EI24: variants seen among roughly 807,000 people sequenced by gnomAD.
EI24 encodes the protein etoposide-induced protein 2.4 homolog.
A neutral mutation model predicts 48.6 loss-of-function variants in EI24; 21 were observed. The ratio of observed to expected loss-of-function variants is 0.43; its 90% CI spans 0.31 to 0.62. EI24 has a LOEUF of 0.62. Ranked by LOEUF, EI24 falls within the 20% of genes least tolerant of loss-of-function variation. The pLI is 0.10. For missense variants in EI24, 280 were observed against 410.5 expected, an observed-to-expected ratio of 0.68 and a Z score of 2.75; for synonymous variants, 114 against 145.5, an observed-to-expected ratio of 0.78 and a Z score of 1.56.
At chr11:125,574,828 T>A (rs75423988) in intron 2 of EI24, 10,417 of 152,538 alleles carry the variant, frequency 0.068, 400 homozygotes, top group African/African-American at 0.1. Context: ...AAAACTTTTT[T>A]AAAAAAAAAC....
At chr11:125,575,209 A>G in intron 2 of EI24, 54 bp from the exon 3 acceptor site, 1 of 1,462,050 alleles carries the variant, frequency 6.8e-7, no homozygotes, top group Non-Finnish European at 9.2e-7. Flanking sequence ...CTTGGGTGAC[A>G]AAGCAAGACC....
chr11:125,576,564 C>T (rs1219653138), intron 4 of EI24, among the ~76,000 whole-genome samples: 1 of 152,184 alleles, frequency 6.6e-6, no homozygotes, highest in African/African-American at 2.4e-5. Context: ...GACTCATTCA[C>T]AAGTATTAGA....
rs763857343 is a variant in EI24 at position 125,576,235 on chromosome 11, A to T, written c.189-20A>T. On this transcript the variant is annotated intron_variant, in intron 3 of 10. Coordinates refer to ENST00000278903, the MANE Select transcript of EI24 (RefSeq NM_004879.5). ...AAATAACTTATGCTTTATAAACTAAATACATGTGATCTTTTCCAGTGAGCC... is the reference window on the plus strand; with the variant it reads ...AAATAACTTATGCTTTATAAACTAATTACATGTGATCTTTTCCAGTGAGCC... 14 of 1,610,842 alleles carry T rather than the reference A, an allele frequency of 8.7e-6. No individual in the cohort carries two copies. The highest frequency in any genetic ancestry group is 1.1e-5 in the Non-Finnish European group (13 of 1,177,676).
At chr11:125,577,893 C>T (rs2135862363) in intron 5 of EI24, 1 of 587,236 alleles carries the variant, frequency 1.7e-6, no homozygotes, top group South Asian at 2.2e-5. Context: ...ATCTCGTTAC[C>T]ATCATGTAAG....
In EI24 at chr11:125,578,156, G is replaced by A. The variant is rs1259071951; in HGVS notation, c.340G>A (p.Val114Ile). ...AGGTGACCCATCACTACATGGAGAT[G>A]TTTGGTCGTGGCTGGAATTCTTCCT... The part of the protein sequence containing the change: ...IIGDPSLHGD[V>I]WSWLEFFLTS... The change falls in exon 6 of 11, where the codon GTT becomes ATT. Residue 114 changes from valine to isoleucine, a missense_variant. Physicochemically the swap from Val to Ile is conservative, Grantham distance 29. Around this residue, in one of 3 missense-constraint regions of EI24, gnomAD observed 204 missense variants for 294.1 expected, o/e 0.69. Coordinates refer to ENST00000278903, the MANE Select transcript of EI24 (RefSeq NM_004879.5). 3 of 1,613,664 alleles carry A rather than the reference G, an allele frequency of 1.9e-6. No individual in the cohort carries two copies. The highest frequency in any genetic ancestry group is 2.5e-6 in the Non-Finnish European group (3 of 1,179,894).
chr11:125,577,980 G>A, intron 5 of EI24, 153 bp from the exon 6 acceptor site: 5 of 830,408 alleles, frequency 6.0e-6, no homozygotes, highest in Non-Finnish European at 9.4e-6. Context: ...CGTCTATTAT[G>A]AGTTAGACTC....
At chr11:125,578,559 G>C (rs758220316) in intron 6 of EI24, among the ~76,000 whole-genome samples, 1 of 139,158 alleles carries the variant, frequency 7.2e-6, no homozygotes, top group African/African-American at 2.7e-5. Context: ...TTTGCCTCCC[G>C]GGTTCAAGCA....
chr11:125,574,524 A>G (rs1286963836), intron 2 of EI24, among the ~76,000 whole-genome samples: 4 of 152,218 alleles, frequency 2.6e-5, no homozygotes, highest in African/African-American at 9.6e-5. Flanking sequence ...CAACTTGCCC[A>G]TTTCTCTGTA....
intron 6 of EI24, among the ~76,000 whole-genome samples, chr11:125,578,632 AT>A (rs34070211): frequency 0.18 from 26,979 of 150,916 alleles, 2,508 homozygotes; most frequent in East Asian, 0.3. Flanking sequence ...TGCCTGGCTA[AT>A]TTTTTTTGTA....
intron 8 of EI24, 117 bp downstream of exon 8, chr11:125,580,321 C>G (rs1309419135): frequency 1.3e-6 from 1 of 766,868 alleles, no homozygotes; most frequent in East Asian, 2.5e-5. Context: ...TTGAGGGAAG[C>G]AGCCTCATTG....
rs1491139653 is a variant in EI24 at position 125,582,339 on chromosome 11, T to TTTA, written c.786-7_786-6insTTA. ...ACTAATTATTTCTTTTTTTTTTTTT[T>TTTA]AAACAGTGGCTGCCTTTTCTCTATC... On this transcript the variant is annotated splice_polypyrimidine_tract_variant and splice_region_variant and intron_variant, in intron 9 of 10. Coordinates refer to ENST00000278903, the MANE Select transcript of EI24 (RefSeq NM_004879.5). The TTTA allele has an allele frequency of 1.3e-6, 2 of 1,533,998 alleles. No homozygotes were observed. The highest frequency in any genetic ancestry group is 1.8e-6 in the Non-Finnish European group (2 of 1,142,386).
At chr11:125,570,335 A>C (rs1367120818) in intron 1 of EI24, 3 of 152,174 alleles carry the variant, frequency 2.0e-5, no homozygotes, top group Non-Finnish European at 2.9e-5. Context: ...GCTCAGCTGT[A>C]GGATTCCCCC....
intron 7 of EI24, among the ~76,000 whole-genome samples, chr11:125,579,671 T>A (rs909486865): frequency 6.6e-6 from 1 of 151,902 alleles, no homozygotes; most frequent in African/African-American, 2.4e-5. Context: ...GTCTCAAAAA[T>A]AAATAAATAA....
Position 125,577,490 on chromosome 11 carries a change from CTTCTT to C in EI24, c.250-7_250-3del. On this transcript the variant is annotated splice_polypyrimidine_tract_variant and intron_variant, in intron 4 of 10. Transcript: ENST00000278903. ...CTGGATTTTGATGTTTGCCTTGTTG[CTTCTT>C]TTCTTTAGTTCAGTCTCCTCTTGTT... 2 of 1,608,482 alleles carry C rather than the reference CTTCTT, an allele frequency of 1.2e-6. No homozygotes were observed. Among genetic ancestry groups the C allele is most frequent in the African/African-American group, 1.3e-5 (1 of 74,618 alleles).
intron 6 of EI24, among the ~76,000 whole-genome samples, 175 bp downstream of exon 6, chr11:125,578,432 T>C (rs1938839972): frequency 6.6e-6 from 1 of 151,122 alleles, no homozygotes; most frequent in African/African-American, 2.4e-5. Context: ...AATTATTGTC[T>C]CAGCATCTCA....
rs1938567057 is a variant in EI24 at position 125,572,472 on chromosome 11, G to C, written c.-56G>C. The C allele has an allele frequency of 4.6e-6, 7 of 1,527,274 alleles. No individual in the cohort carries two copies. Among genetic ancestry groups the C allele is most frequent in the Non-Finnish European group, 6.3e-6 (7 of 1,103,620 alleles). The allele number at this position is 1,527,274 out of a possible 1,614,324, so 94.6% of individuals were successfully genotyped here. A position where few individuals can be genotyped will look rare whatever the true frequency, so the allele number is the denominator to read the frequency against. ...TCTGTTTCCAGATCCTTCATGATGA[G>C]AGATTTGGGGACACTTCTCTCTCCT... On this transcript the variant is annotated 5_prime_UTR_variant, in exon 2 of 11. Coordinates refer to ENST00000278903, the MANE Select transcript of EI24 (RefSeq NM_004879.5).
At chr11:125,578,296 T>C in intron 6 of EI24, 39 bp downstream of exon 6, 1 of 1,612,320 alleles carries the variant, frequency 6.2e-7, no homozygotes, top group South Asian at 1.1e-5. Context: ...TCCCGCAGCA[T>C]GATTGGCTGA....
At chr11:125,576,626 C>G (rs962111308) in intron 4 of EI24, among the ~76,000 whole-genome samples, 1 of 152,158 alleles carries the variant, frequency 6.6e-6, no homozygotes, top group Non-Finnish European at 1.5e-5. Context: ...CTAACAGCAA[C>G]TATGGGGACT....
rs990216214 is a variant in EI24 at position 125,578,795 on chromosome 11, A to C, written c.442-154A>C. Reference sequence around the variant, plus strand: ...ATCCTCCTACCTTAGCCTCCTGAGTAGCTGGGACTATAGGCACATGCCATC... The same window carrying C: ...ATCCTCCTACCTTAGCCTCCTGAGTCGCTGGGACTATAGGCACATGCCATC... On this transcript the variant is annotated intron_variant, in intron 6 of 10. Transcript: ENST00000278903. 3.3e-5 allele frequency among the ~76,000 whole-genome samples: 5 copies of C among 152,188 alleles called. 1 individual carries two copies. In the South Asian group the frequency reaches 1.0e-3, roughly 31 times the overall value.
Sources: gnomAD v4.1 joint callset for allele counts (sites outside exome capture counted in the v4.1 genomes callset) on GRCh38, gnomAD v4.1.1 for gene constraint, gnomAD v4.1.1 regional missense constraint, MANE v1.5 for transcripts, NCBI Gene and HGNC (gene_info 2026-07-23, HGNC 2026-07-21) for gene names.